The following FMN1 variants were observed in gnomAD, a reference collection of about 807,000 sequenced individuals.
The protein encoded by FMN1 is formin 1, also known as formin-1.
A neutral mutation model predicts 132.4 loss-of-function variants in FMN1; 110 were observed. That is an observed-to-expected ratio of 0.83 (90% CI 0.71 to 0.97). FMN1 has a LOEUF of 0.97. FMN1 is among the 50% of genes least tolerant of loss of function. FMN1 has a pLI of 0.00. For missense variants in FMN1, 1,792 were observed against 1,705.3 expected (o/e 1.05, Z -0.90); for synonymous variants, 722 against 651.7 (o/e 1.11, Z -1.64).
intron 4 of FMN1, among the ~76,000 whole-genome samples, chr15:33,095,076 A>G (rs2039031266): frequency 6.6e-6 from 1 of 152,088 alleles, no homozygotes; most frequent in African/African-American, 2.4e-5. Context: ...GACCGGGTGC[A>G]GTGGCCCACC....
intron 4 of FMN1, among the ~76,000 whole-genome samples, chr15:33,094,860 A>T (rs1381296003): frequency 6.6e-6 from 1 of 152,182 alleles, no homozygotes; most frequent in East Asian, 1.9e-4. Flanking sequence ...AGGGGCACAG[A>T]TGATGCTAAC....
At chr15:33,148,347 C>A (rs1197680938) in intron 4 of FMN1, among the ~76,000 whole-genome samples, 1 of 152,190 alleles carries the variant, frequency 6.6e-6, no homozygotes, top group Non-Finnish European at 1.5e-5. Context: ...GGGTTAGAAG[C>A]AACAGTATTT....
At chr15:32,839,721 C>T (rs755692093) in intron 17 of FMN1, among the ~76,000 whole-genome samples, 1 of 151,334 alleles carries the variant, frequency 6.6e-6, no homozygotes, top group East Asian at 1.9e-4. Flanking sequence ...AGAGAAGATT[C>T]TCTTGAGAAC....
chr15:32,940,142 C>G (rs545589158), intron 9 of FMN1, among the ~76,000 whole-genome samples: 2 of 152,094 alleles, frequency 1.3e-5, no homozygotes, highest in Non-Finnish European at 2.9e-5. Context: ...CTACAACAGT[C>G]CTTCCCTCTA....
In FMN1 at chr15:32,898,742, T is replaced by C. The variant is rs1048112908; in HGVS notation, c.3714+92A>G. ...GAGCTCTCATATTCTATGTTGGGCT[T>C]GCAGTTCGTTCATCCATCTATCCAT... is the stretch of plus-strand genomic sequence containing the variant. On this transcript the variant is annotated intron_variant, in intron 15 of 20. Transcript: ENST00000616417. 8 of 805,180 alleles carry C rather than the reference T, an allele frequency of 9.9e-6. No individual in the cohort carries two copies. The African/African-American group carries it at 1.4e-4, about 14-fold the overall frequency. The allele number at this position is 805,180 out of a possible 1,614,324, so 49.9% of individuals were successfully genotyped here. A position where few individuals can be genotyped will look rare whatever the true frequency, so the allele number is the denominator to read the frequency against.
chr15:32,959,395 G>T (rs931316738), intron 9 of FMN1, among the ~76,000 whole-genome samples: 1 of 152,208 alleles, frequency 6.6e-6, no homozygotes, highest in Non-Finnish European at 1.5e-5. Flanking sequence ...ATGGAGCAAA[G>T]ATTATAGGAG....
intron 19 of FMN1, among the ~76,000 whole-genome samples, chr15:32,779,876 T>C (rs1187058519): frequency 2.0e-5 from 3 of 152,144 alleles, no homozygotes; most frequent in Non-Finnish European, 2.9e-5. Flanking sequence ...TGAGAAGGAA[T>C]GAACTAGATC....
At chr15:33,012,159 G>A (rs1209149548) in intron 6 of FMN1, 1 of 527,370 alleles carries the variant, frequency 1.9e-6, no homozygotes, top group Non-Finnish European at 3.5e-6. Context: ...CTGAACAGCT[G>A]TGGAAGCTCC....
intron 13 of FMN1, among the ~76,000 whole-genome samples, chr15:32,900,526 A>C (rs2060269108): frequency 6.6e-6 from 1 of 152,206 alleles, no homozygotes; most frequent in African/African-American, 2.4e-5. Flanking sequence ...GTATTTCAGG[A>C]CTATTTATCT....
chr15:32,859,360 A>G (rs1160880091), intron 16 of FMN1, among the ~76,000 whole-genome samples: 1 of 152,136 alleles, frequency 6.6e-6, no homozygotes, highest in East Asian at 1.9e-4. Context: ...TTTCAGCTCT[A>G]TTTCCCACAT....
intron 15 of FMN1, among the ~76,000 whole-genome samples, chr15:32,892,559 G>A (rs900473720): frequency 1.4e-4 from 22 of 152,272 alleles, no homozygotes; most frequent in African/African-American, 5.3e-4. Context: ...GTATTAGGGT[G>A]ACGCTTGCTT....
At position 33,017,236 on chromosome 15, in the gene FMN1, A is replaced by G. The variant is rs1488107583; in HGVS notation, c.2162-9161T>C. Among the ~76,000 whole-genome samples, 6 of 152,324 alleles carry G rather than the reference A, an allele frequency of 3.9e-5. No homozygotes were observed. The South Asian group carries it at 6.2e-4, about 16-fold the overall frequency. On this transcript the variant is annotated intron_variant, in intron 6 of 20. Transcript: ENST00000616417. ...CAGTGCAACTACTCTGTATGCTACT[A>G]TAATAGTTGATACGGGTCATACATT...
rs1267061317 is a variant in FMN1, at chr15:33,161,430, G to A, written c.-131-6385C>T. Among the ~76,000 whole-genome samples the A allele has an allele frequency of 2.6e-5, 4 of 152,132 alleles. 1 individual carries two copies. Among genetic ancestry groups the A allele is most frequent in the South Asian group, 4.1e-4 (2 of 4,826 alleles). On this transcript the variant is annotated intron_variant, in intron 3 of 20. Coordinates refer to ENST00000616417, the MANE Select transcript of FMN1 (RefSeq NM_001277313.2). The stretch of plus-strand genomic sequence containing the variant: ...AGGCGTGCCCTCTAATGAAGACCAC[G>A]CTCCTCTGGGGTAGTTCTCCTCCAG...
chr15:33,070,386 C>CTT lies in FMN1; in HGVS notation c.2044-5314_2044-5313dup, dbSNP rs34096484. ...CAGTGGGAGAGGGCACGTATTTGGT[C>CTT]TTTTTTTTTTTTTTTTTTATGAACT... On this transcript the variant is annotated intron_variant, in intron 5 of 20. Transcript: ENST00000616417. Among the ~76,000 whole-genome samples the CTT allele has an allele frequency of 3.2e-4, 43 of 134,348 alleles. 1 individual carries two copies. Among genetic ancestry groups the CTT allele is most frequent in the South Asian group, 4.8e-4 (2 of 4,164 alleles). The allele number at this position is 134,348 out of a possible 152,430, so 88.1% of individuals were successfully genotyped here. A position where few individuals can be genotyped will look rare whatever the true frequency, so the allele number is the denominator to read the frequency against.
At chr15:32,969,601 CAG>C in intron 7 of FMN1, 124 bp from the exon 8 acceptor site, 1 of 1,094,842 alleles carries the variant, frequency 9.1e-7, no homozygotes, top group Non-Finnish European at 1.3e-6. Flanking sequence ...CAGGGAAATA[CAG>C]AGACATTCTT....
intron 4 of FMN1, among the ~76,000 whole-genome samples, chr15:33,145,808 C>G (rs751734357): frequency 6.6e-6 from 1 of 152,056 alleles, no homozygotes; most frequent in East Asian, 1.9e-4. Flanking sequence ...TCCACAATTC[C>G]TCTGGGCTCA....
intron 2 of FMN1, among the ~76,000 whole-genome samples, 191 bp from the exon 3 acceptor site, chr15:33,180,453 C>T (rs546118049): frequency 4.6e-5 from 7 of 152,152 alleles, no homozygotes; most frequent in Admixed American, 2.6e-4. Context: ...CTGCCTCTTC[C>T]GTGAGATAAC....
chr15:32,912,132 T>C (rs2060576335), intron 10 of FMN1, among the ~76,000 whole-genome samples: 1 of 152,236 alleles, frequency 6.6e-6, no homozygotes, highest in African/African-American at 2.4e-5. Flanking sequence ...TGGGTAACTA[T>C]ATATTACAAG....
rs59822207 is a variant in FMN1, at chr15:33,033,669, G to GTT, written c.2162-25596_2162-25595dup. Among the ~76,000 whole-genome samples the GTT allele has an allele frequency of 4.2e-3, 240 of 57,448 alleles. 1 individual carries two copies. Among genetic ancestry groups the GTT allele is most frequent in the Middle Eastern group, 7.6e-3 (1 of 132 alleles). The allele number at this position is 57,448 out of a possible 152,430, so 37.7% of individuals were successfully genotyped here. A position where few individuals can be genotyped will look rare whatever the true frequency, so the allele number is the denominator to read the frequency against. ...TATTTGTCCCACCAGCTACCTCATG[G>GTT]TTTTTTTTTTTTGTTCCTTTGTAGC... On this transcript the variant is annotated intron_variant, in intron 6 of 20. Coordinates refer to ENST00000616417, the MANE Select transcript of FMN1 (RefSeq NM_001277313.2).
Sources: allele counts gnomAD v4.1 joint callset (sites outside exome capture counted in the v4.1 genomes callset), GRCh38; gene constraint gnomAD v4.1.1; transcripts MANE v1.5; gene names NCBI Gene and HGNC (gene_info 2026-07-23, HGNC 2026-07-21).